Variants in CPT2 observed in about 807,000 individuals in gnomAD.
The protein encoded by CPT2 is carnitine palmitoyltransferase 2.
In CPT2, 37 loss-of-function variants were observed where a neutral mutation model predicts 48.6. The observed-to-expected ratio is 0.76, with a 90% CI of 0.59 to 1.00. The LOEUF is 1.00. CPT2 is among the 50% of genes least tolerant of loss of function. The probability of loss-of-function intolerance (pLI) is 0.00; values close to 1 mark genes in which losing one functional copy is unlikely to be tolerated. For synonymous variants in CPT2, 319 were observed against 326.9 expected (o/e 0.98, Z 0.26); for missense variants, 772 against 825.6 (o/e 0.94, Z 0.80).
Position 53,211,600 on chromosome 1 carries a change from CTTTTTTTT to C in CPT2, c.1645+292_1645+299del, listed in dbSNP as rs112026378. The C allele has an allele frequency of 0.32, 118,107 of 374,604 alleles. 17,139 individuals carry two copies. Among genetic ancestry groups the C allele is most frequent in the East Asian group, 0.47 (11,162 of 23,884 alleles). The allele number at this position is 374,604 out of a possible 1,614,324, so 23.2% of individuals were successfully genotyped here. On this transcript the variant is annotated intron_variant, in intron 4 of 4. Transcript: ENST00000371486. Reference sequence around the variant, plus strand: ...GTGACGCATTAATTCTTTTTTCTTTCTTTTTTTTTTTTTTTTTTGGAGACAAGAGTTTC... The same window carrying C: ...GTGACGCATTAATTCTTTTTTCTTTCTTTTTTTTTTGGAGACAAGAGTTTC...
chr1:53,211,417 C>G (rs546157328), intron 4 of CPT2, 98 bp downstream of exon 4: 1 of 1,289,252 alleles, frequency 7.8e-7, no homozygotes, highest in Admixed American at 2.0e-5. Flanking sequence ...TCTACCCGTT[C>G]ACTAGGTTTA....
chr1:53,205,611 G>C (rs1645382785), intron 3 of CPT2, among the ~76,000 whole-genome samples: 1 of 152,218 alleles, frequency 6.6e-6, no homozygotes, highest in Non-Finnish European at 1.5e-5. Flanking sequence ...CCAAGACAAT[G>C]GGGAGAATGT....
intron 3 of CPT2, among the ~76,000 whole-genome samples, chr1:53,206,462 T>G (rs992262676): frequency 5.3e-5 from 8 of 152,162 alleles, no homozygotes; most frequent in African/African-American, 1.7e-4. Flanking sequence ...CCACAGGCAT[T>G]CAATGCCAGC....
rs1572385845 is a variant in CPT2 at position 53,211,169 on chromosome 1, A to G, written c.1495A>G (p.Thr499Ala). Residue 499 changes from threonine (T) to alanine (A), a missense_variant, in exon 4 of 5, where the codon ACT becomes GCT. Transcript: ENST00000371486. ...CACTGCCGCATTCAAGCACGGCCGCACTGAGACCATCCGCCCGGCCTCCGT... is the reference window on the plus strand; with the variant it reads ...CACTGCCGCATTCAAGCACGGCCGCGCTGAGACCATCCGCCCGGCCTCCGT... ...CSTAAFKHGR[T>A]ETIRPASVYT... 3.1e-6 allele frequency: 5 copies of G among 1,610,458 alleles called. No homozygotes were observed. Among genetic ancestry groups the G allele is most frequent in the Non-Finnish European group, 3.4e-6 (4 of 1,177,358 alleles).
intron 1 of CPT2, chr1:53,200,301 G>A (rs1645346690): frequency 5.4e-6 from 1 of 184,386 alleles, no homozygotes; most frequent in African/African-American, 2.4e-5. Context: ...AAATGCAGAA[G>A]AAAATTTAAA....
rs908749525 is a variant in CPT2 at position 53,213,433 on chromosome 1, GGT to G, written c.1816_1817del (p.Val606LeufsTer2). ...AVNLGGFAPV[V>X]SDGFGVGYAV... ...TGAACCTTGGGGGCTTTGCCCCTGT[GGT>G]CTCTGATGGCTTTGGTGTTGGGTAT... is the stretch of plus-strand genomic sequence containing the variant. On this transcript the variant is annotated frameshift_variant, in exon 5 of 5. Coordinates refer to ENST00000371486, the MANE Select transcript of CPT2 (RefSeq NM_000098.3). LOFTEE classifies it high-confidence loss of function. The G allele has an allele frequency of 3.1e-6, 5 of 1,614,134 alleles. No individual in the cohort carries two copies. The highest frequency in any genetic ancestry group is 4.2e-6 in the Non-Finnish European group (5 of 1,180,056).
rs2100274966 is a variant in CPT2, at chr1:53,211,329, G to A, written c.1645+10G>A. 6.3e-7 allele frequency: 1 copy of A among 1,590,066 alleles called. No homozygotes were observed. Among genetic ancestry groups the A allele is most frequent in the Non-Finnish European group, 8.6e-7 (1 of 1,169,048 alleles). ...AAAGAAGCAGCAATGGGTGAGGCAG[G>A]GGTGGGGAGCATGCCCTTGGGTCTT... On this transcript the variant is annotated intron_variant, in intron 4 of 4. Transcript: ENST00000371486.
intron 3 of CPT2, among the ~76,000 whole-genome samples, chr1:53,205,081 C>A (rs1412733591): frequency 6.6e-6 from 1 of 152,140 alleles, no homozygotes; most frequent in Non-Finnish European, 1.5e-5. Context: ...GGTTAATAGG[C>A]AGAGGTTGGA....
At chr1:53,212,838 C>T (rs1016818804) in intron 4 of CPT2, 3 of 444,798 alleles carry the variant, frequency 6.7e-6, no homozygotes, top group Non-Finnish European at 1.2e-5. Flanking sequence ...GACTGAGATT[C>T]GAACCCTGGT....
At chr1:53,203,138 A>G (rs1465614391) in intron 3 of CPT2, 1 of 152,402 alleles carries the variant, frequency 6.6e-6, no homozygotes, top group Non-Finnish European at 1.5e-5. Flanking sequence ...TTCAGCTCCT[A>G]AATCTTTTGT....
intron 3 of CPT2, among the ~76,000 whole-genome samples, chr1:53,204,765 T>G (rs141137174): frequency 2.2e-4 from 33 of 152,196 alleles, no homozygotes; most frequent in African/African-American, 7.0e-4. Context: ...TCATGATAGT[T>G]AGTGGTTTCT....
At chr1:53,213,236 C>A (rs1173834995) in intron 4 of CPT2, 28 bp from the exon 5 acceptor site, 1 of 1,612,520 alleles carries the variant, frequency 6.2e-7, no homozygotes, top group Non-Finnish European at 8.5e-7. Flanking sequence ...CATCCTGAGA[C>A]TCTGGTTTTC....
intron 1 of CPT2, among the ~76,000 whole-genome samples, chr1:53,198,711 A>G (rs1341121797): frequency 6.6e-6 from 1 of 152,234 alleles, no homozygotes; most frequent in Non-Finnish European, 1.5e-5. Context: ...AGAATATTCA[A>G]GATTATTTAT....
At position 53,213,268 on chromosome 1, in the gene CPT2, G is replaced by C; in HGVS notation, c.1650G>C (p.Gln550His). Residue 550 changes from glutamine to histidine, a missense_variant, in exon 5 of 5, where the codon CAG becomes CAC. Transcript: ENST00000371486. ...TTTCCATTTTGTTTCTCACAGGCCAGGGCTTTGACCGACACTTGTTTGCTC... is the reference window on the plus strand; with the variant it reads ...TTTCCATTTTGTTTCTCACAGGCCACGGCTTTGACCGACACTTGTTTGCTC... ...GQLTKEAAMGQGFDRHLFALR... is the reference protein window; with the variant it reads ...GQLTKEAAMGHGFDRHLFALR... 6.2e-7 allele frequency: 1 copy of C among 1,614,160 alleles called. No homozygotes were observed. Among genetic ancestry groups the C allele is most frequent in the Non-Finnish European group, 8.5e-7 (1 of 1,180,040 alleles).
intron 3 of CPT2, 185 bp downstream of exon 3, chr1:53,202,614 C>T: frequency 1.6e-6 from 1 of 640,772 alleles, no homozygotes; most frequent in South Asian, 1.7e-5. Flanking sequence ...GAGGTGTTGA[C>T]TTGAGCCCAT....
chr1:53,209,764 G>A lies in CPT2; in HGVS notation c.341-251G>A, dbSNP rs929593055. ...GTTCTCCAGCCTGGGCGACAGGAGCGAGCCTCCGTCCCAAAAAAACAAAAC... is the reference window on the plus strand; with the variant it reads ...GTTCTCCAGCCTGGGCGACAGGAGCAAGCCTCCGTCCCAAAAAAACAAAAC... On this transcript the variant is annotated intron_variant, in intron 3 of 4. Coordinates refer to ENST00000371486, the MANE Select transcript of CPT2 (RefSeq NM_000098.3). 6 of 475,428 alleles carry A rather than the reference G, an allele frequency of 1.3e-5. No individual in the cohort carries two copies. In the East Asian group the frequency reaches 1.3e-4, roughly 10 times the overall value. 29.5% of individuals were successfully genotyped at this position (475,428 alleles called of 1,614,324 possible). A position where few individuals can be genotyped will look rare whatever the true frequency, so the allele number is the denominator to read the frequency against.
chr1:53,203,565 G>A (rs1262293604), intron 3 of CPT2: 1 of 152,150 alleles, frequency 6.6e-6, no homozygotes, highest in Non-Finnish European at 1.5e-5. Flanking sequence ...ATACATGAAA[G>A]CAGATTGGAC....
intron 1 of CPT2, chr1:53,197,561 C>G (rs534908280): frequency 2.4e-4 from 63 of 259,532 alleles, no homozygotes; most frequent in Non-Finnish European, 4.3e-4. Context: ...CTCCCAGCAC[C>G]GCCTTCACCC....
rs371443614 is a variant in CPT2, at chr1:53,213,358, G to A, written c.1740G>A (p.Gly580=). ...LPELYLDPAY[G]QINHNVLSTS... is the part of the protein sequence containing the mutation. ...AGCTCTACCTGGACCCTGCATACGG[G>A]CAGATAAACCACAATGTCCTGTCCA... The change falls in exon 5 of 5, where the codon GGG becomes GGA. Residue 580 remains glycine (G), a synonymous_variant. Coordinates refer to ENST00000371486, the MANE Select transcript of CPT2 (RefSeq NM_000098.3). The A allele has an allele frequency of 2.0e-5, 32 of 1,614,098 alleles. No homozygotes were observed. The highest frequency in any genetic ancestry group is 1.6e-4 in the Middle Eastern group (1 of 6,084).
Sources: allele counts gnomAD v4.1 joint callset (sites outside exome capture counted in the v4.1 genomes callset), GRCh38; gene constraint gnomAD v4.1.1; transcripts MANE v1.5; gene names NCBI Gene and HGNC (gene_info 2026-07-23, HGNC 2026-07-21).